TUT4: variants seen among roughly 807,000 people sequenced by gnomAD.
TUT4 encodes the protein terminal uridylyltransferase 4.
In TUT4, 36 loss-of-function variants were observed where a neutral mutation model predicts 192.2. The observed-to-expected ratio is 0.19, with a 90% CI of 0.14 to 0.25. The LOEUF (loss-of-function observed/expected upper bound fraction) is 0.25. Ranked by LOEUF, TUT4 falls within the 10% of genes least tolerant of loss-of-function variation. TUT4 has a pLI of 1.00. For synonymous variants in TUT4, 618 were observed against 666.0 expected, an observed-to-expected ratio of 0.93 and a Z score of 1.11; for missense variants, 1,493 against 1,957.2, an observed-to-expected ratio of 0.76 and a Z score of 4.47.
intron 22 of TUT4, 63 bp downstream of exon 22, chr1:52,446,202 T>C: frequency 6.7e-7 from 1 of 1,492,292 alleles, no homozygotes; most frequent in Non-Finnish European, 9.1e-7. Flanking sequence ...TATTTCAGTT[T>C]TCCCCTCAAT....
chr1:52,454,575 C>T (rs1210836743), intron 20 of TUT4, among the ~76,000 whole-genome samples: 3 of 152,150 alleles, frequency 2.0e-5, no homozygotes, highest in Non-Finnish European at 4.4e-5. Context: ...CAAAAATTAA[C>T]TCTAAATGGC....
intron 2 of TUT4, among the ~76,000 whole-genome samples, chr1:52,523,427 GA>G (rs1468550613): frequency 6.6e-6 from 1 of 152,102 alleles, no homozygotes; most frequent in Non-Finnish European, 1.5e-5. Context: ...CCAACACAGT[GA>G]AACCCAGTCT....
intron 25 of TUT4, 76 bp from the exon 26 acceptor site, chr1:52,437,054 T>C: frequency 2.6e-6 from 4 of 1,536,040 alleles, no homozygotes; most frequent in Non-Finnish European, 2.6e-6. Context: ...ACTCTCACAA[T>C]AACAAAAGGA....
chr1:52,506,819 C>T (rs1219224322), intron 4 of TUT4, among the ~76,000 whole-genome samples: 1 of 152,116 alleles, frequency 6.6e-6, no homozygotes, highest in Non-Finnish European at 1.5e-5. Context: ...TTGTATTTTC[C>T]TGCCTCTTTG....
At chr1:52,528,353 C>T (rs751594424) in intron 1 of TUT4, among the ~76,000 whole-genome samples, 63 of 151,750 alleles carry the variant, frequency 4.2e-4, no homozygotes, top group Non-Finnish European at 7.5e-4. Flanking sequence ...TAGCCGGCCA[C>T]TGTGGCATGC....
At position 52,477,857 on chromosome 1, in the gene TUT4, T is replaced by C; in HGVS notation, c.1874A>G (p.Asn625Ser). The C allele has an allele frequency of 1.2e-6, 2 of 1,610,356 alleles. No individual in the cohort carries two copies. The highest frequency in any genetic ancestry group is 1.7e-5 in the Admixed American group (1 of 58,872). ...CCATAACTGTCCCAAGGATACCCGA[T>C]TTGGTGTTTCCAATGCTAAAGGAGA... ...GKSPLALETP[N>S]RVSLGQLWLE... The change falls in exon 12 of 30, where the codon AAT (asparagine) becomes AGT (serine). Residue 625 changes from asparagine (N) to serine (S), a missense_variant. By Grantham distance (46) the Asn-to-Ser change is conservative. This residue lies in a region of TUT4 where 437 missense variants were observed against 577.6 expected (regional missense o/e 0.76). Transcript: ENST00000257177.
intron 15 of TUT4, among the ~76,000 whole-genome samples, chr1:52,465,468 T>C (rs953441853): frequency 2.0e-5 from 3 of 152,232 alleles, no homozygotes; most frequent in African/African-American, 7.2e-5. Flanking sequence ...TCCCTGTTCT[T>C]AGCAAATAGT....
rs980703185 is a variant in TUT4, at chr1:52,482,042, A to G, written c.1516-119T>C. The G allele has an allele frequency of 5.4e-4, 409 of 754,240 alleles. 1 individual carries two copies. Among genetic ancestry groups the G allele is most frequent in the Non-Finnish European group, 5.3e-5 (28 of 528,614 alleles). 46.7% of individuals were successfully genotyped at this position (754,240 alleles called of 1,614,324 possible). A position where few individuals can be genotyped will look rare whatever the true frequency, so the allele number is the denominator to read the frequency against. On this transcript the variant is annotated intron_variant, in intron 9 of 29. Transcript: ENST00000257177. ...AAGTTCAAATGACAATGAAAAATAT[A>G]AGGAATAACTTGAAATATCATCACT...
At chr1:52,457,897 T>C (rs1661436285) in intron 20 of TUT4, among the ~76,000 whole-genome samples, 1 of 152,210 alleles carries the variant, frequency 6.6e-6, no homozygotes, top group African/African-American at 2.4e-5. Flanking sequence ...CCTGGGTTCA[T>C]TCTAAACCAA....
intron 9 of TUT4, among the ~76,000 whole-genome samples, chr1:52,483,579 GT>G (rs1669038735): frequency 1.3e-5 from 2 of 152,146 alleles, no homozygotes; most frequent in African/African-American, 2.4e-5. Flanking sequence ...GGGAGGCAGA[GT>G]GGGTGGATGA....
At chr1:52,454,663 T>C (rs558208551) in intron 20 of TUT4, among the ~76,000 whole-genome samples, 1 of 152,258 alleles carries the variant, frequency 6.6e-6, no homozygotes, top group South Asian at 2.1e-4. Flanking sequence ...TATAGTGATA[T>C]CTTTTTAGAC....
intron 11 of TUT4, among the ~76,000 whole-genome samples, chr1:52,480,808 T>G (rs1378332447): frequency 6.6e-6 from 1 of 151,944 alleles, no homozygotes; most frequent in East Asian, 1.9e-4. Flanking sequence ...GAGGAGAGAG[T>G]ATACAGTAGT....
chr1:52,495,295 ACT>A lies in TUT4; in HGVS notation c.1266+130_1266+131del, dbSNP rs1180967940. 5.9e-5 allele frequency: 27 copies of A among 454,182 alleles called. No homozygotes were observed. The East Asian group carries it at 8.4e-4, about 14-fold the overall frequency. 28.1% of individuals were successfully genotyped at this position (454,182 alleles called of 1,614,324 possible). On this transcript the variant is annotated intron_variant, in intron 6 of 29. Coordinates refer to ENST00000257177, the MANE Select transcript of TUT4 (RefSeq NM_001009881.3). ...AAATCTAATAGTAATTTCCAAAAGC[ACT>A]GTTTAGTCACGATGGTAACACTATA...
intron 1 of TUT4, among the ~76,000 whole-genome samples, chr1:52,546,480 G>A (rs1404838883): frequency 6.6e-6 from 1 of 152,108 alleles, no homozygotes; most frequent in Non-Finnish European, 1.5e-5. Context: ...GAGGTATTTA[G>A]AGTAGTCAAA....
At chr1:52,496,447 C>T (rs1010545220) in intron 5 of TUT4, among the ~76,000 whole-genome samples, 2 of 151,920 alleles carry the variant, frequency 1.3e-5, no homozygotes, top group African/African-American at 4.8e-5. Flanking sequence ...TATAATTTAT[C>T]AACTTTCCAA....
intron 1 of TUT4, among the ~76,000 whole-genome samples, chr1:52,539,417 G>C (rs546415730): frequency 6.6e-6 from 1 of 152,246 alleles, no homozygotes; most frequent in African/African-American, 2.4e-5. Context: ...AAGAAATATA[G>C]CCAGCAGGAC....
intron 28 of TUT4, among the ~76,000 whole-genome samples, chr1:52,428,118 A>G (rs1650587089): frequency 6.6e-6 from 1 of 152,192 alleles, no homozygotes; most frequent in South Asian, 2.1e-4. Flanking sequence ...AAGGACAGTT[A>G]AGAGAGATAA....
chr1:52,477,759 T>C lies in TUT4; in HGVS notation c.1972A>G (p.Ile658Val), dbSNP rs760760107. ...EYVICVRIQDILTRENKNWPK... is the reference protein window; with the variant it reads ...EYVICVRIQDVLTRENKNWPK... ...CAGTTTTTATTTTCTCTTGTTAAAATATCTTGTATCCGTACACATATGACA... is the reference window on the plus strand; with the variant it reads ...CAGTTTTTATTTTCTCTTGTTAAAACATCTTGTATCCGTACACATATGACA... Residue 658 changes from isoleucine to valine, a missense_variant, in exon 12 of 30, where the codon ATT becomes GTT. Physicochemically the swap from Ile to Val is conservative, Grantham distance 29. This residue lies in a region of TUT4 where 437 missense variants were observed against 577.6 expected (regional missense o/e 0.76). Coordinates refer to ENST00000257177, the MANE Select transcript of TUT4 (RefSeq NM_001009881.3). 8.1e-6 allele frequency: 13 copies of C among 1,612,758 alleles called. No individual in the cohort carries two copies. Among genetic ancestry groups the C allele is most frequent in the Non-Finnish European group, 7.6e-6 (9 of 1,179,652 alleles).
chr1:52,540,060 T>C (rs1428597565), intron 1 of TUT4, among the ~76,000 whole-genome samples: 2 of 127,100 alleles, frequency 1.6e-5, no homozygotes, highest in African/African-American at 6.0e-5. Context: ...CTACTAAAAA[T>C]ACAAAAAAAT....
Sources: allele counts gnomAD v4.1 joint callset (sites outside exome capture counted in the v4.1 genomes callset), GRCh38; gene constraint gnomAD v4.1.1; regional missense constraint gnomAD v4.1.1; transcripts MANE v1.5; gene names NCBI Gene and HGNC (gene_info 2026-07-23, HGNC 2026-07-21).